Variants in MTAP observed in about 807,000 individuals in gnomAD.
MTAP encodes the protein methylthioadenosine phosphorylase, also known as S-methyl-5'-thioadenosine phosphorylase.
A neutral mutation model predicts 33.6 loss-of-function variants in MTAP; 33 were observed. The observed-to-expected ratio is 0.98, with a 90% confidence interval of 0.74 to 1.31. The LOEUF (loss-of-function observed/expected upper bound fraction) is 1.31, where lower values mean the gene tolerates loss of function less well. Among genes scored for constraint, MTAP ranks in the 40% most tolerant of loss-of-function variants. The pLI is 0.00. For missense variants in MTAP, 367 were observed against 360.0 expected (o/e 1.02, Z -0.16); for synonymous variants, 148 against 125.7 (o/e 1.18, Z -1.19).
At chr9:21,897,486 T>C (rs942550930) in intron 1 of MTAP, among the ~76,000 whole-genome samples, 1 of 152,142 alleles carries the variant, frequency 6.6e-6, no homozygotes, top group African/African-American at 2.4e-5. Flanking sequence ...AAAACCCCAT[T>C]GTCTCAGCCC....
chr9:21,913,695 T>G (rs1486216252), intron 1 of MTAP, among the ~76,000 whole-genome samples: 1 of 152,176 alleles, frequency 6.6e-6, no homozygotes, highest in Non-Finnish European at 1.5e-5. Context: ...ACCTAGGCAA[T>G]ACAATTCAGG....
rs543440374 is a variant in MTAP at position 21,827,207 on chromosome 9, G to A, written c.347+9005G>A. Among the ~76,000 whole-genome samples the A allele has an allele frequency of 6.0e-4, 92 of 152,284 alleles. 2 individuals carry two copies. The South Asian group carries it at 6.2e-3, about 10-fold the overall frequency. Reference sequence around the variant, plus strand: ...TGGGCTGGATGGAGAGTGGAGAGTAGCGCAGAGTTAAATCATTTGGGGATC... The same window carrying A: ...TGGGCTGGATGGAGAGTGGAGAGTAACGCAGAGTTAAATCATTTGGGGATC... On this transcript the variant is annotated intron_variant, in intron 4 of 7. Coordinates refer to ENST00000644715, the MANE Select transcript of MTAP (RefSeq NM_002451.4).
At chr9:21,814,017 G>A (rs1022445471) in intron 1 of MTAP, 2 of 152,318 alleles carry the variant, frequency 1.3e-5, no homozygotes, top group East Asian at 3.9e-4. Context: ...ATGTTAACCT[G>A]CTGTGGTTTT....
rs558115768 is a variant in MTAP, at chr9:21,878,568, C to T, written c.147+23698C>T. Reference sequence around the variant, plus strand: ...GTAGAGGCAGGGATTCACCATGTTTCCCAGGCTTATCTCCAACTCCTGGGC... The same window carrying T: ...GTAGAGGCAGGGATTCACCATGTTTTCCAGGCTTATCTCCAACTCCTGGGC... On this transcript the variant is annotated intron_variant, in intron 1 of 1. Transcript: ENST00000577563. Among the ~76,000 whole-genome samples, 3 of 152,134 alleles carry T rather than the reference C, an allele frequency of 2.0e-5. No homozygotes were observed. In the South Asian group the frequency reaches 6.2e-4, roughly 32 times the overall value.
intron 1 of MTAP, among the ~76,000 whole-genome samples, chr9:21,915,000 T>TTTCTTTCCTTCC (rs1818653525): frequency 3.5e-4 from 29 of 83,752 alleles, no homozygotes; most frequent in African/African-American, 1.6e-3. Context: ...CTTTGTTTTC[T>TTTCTTTCCTTCC]TTCCTTCCTT....
At position 21,863,547 on chromosome 9, in the gene MTAP, C is replaced by T; in HGVS notation, c.*1533C>T. ...GTGTGAACCTGGGAGGTGGAGCTTG[C>T]AGTGAGCAGAGCTTGCAGTGAGACG... is the stretch of plus-strand genomic sequence containing the variant. On this transcript the variant is annotated 3_prime_UTR_variant, in exon 8 of 8. Transcript: ENST00000644715. 1.4e-6 allele frequency: 1 copy of T among 722,782 alleles called. No individual in the cohort carries two copies. The highest frequency in any genetic ancestry group is 1.7e-6 in the Non-Finnish European group (1 of 590,468). The allele number at this position is 722,782 out of a possible 1,614,324, so 44.8% of individuals were successfully genotyped here.
intron 4 of MTAP, among the ~76,000 whole-genome samples, chr9:21,833,664 A>T (rs1370214283): frequency 6.6e-6 from 1 of 152,168 alleles, no homozygotes; most frequent in Non-Finnish European, 1.5e-5. Context: ...CAGTAAATTA[A>T]TTGACTCACG....
chr9:21,924,491 A>C (rs1818835900), intron 1 of MTAP, among the ~76,000 whole-genome samples: 1 of 152,228 alleles, frequency 6.6e-6, no homozygotes, highest in Non-Finnish European at 1.5e-5. Flanking sequence ...CTAGCAGGGA[A>C]AATAGACAGA....
chr9:21,930,114 A>G (rs942627359), intron 1 of MTAP: 2 of 465,162 alleles, frequency 4.3e-6, no homozygotes, highest in Non-Finnish European at 4.3e-6. Context: ...CAAATTGCCA[A>G]CCTCAGCTCC....
chr9:21,816,050 T>C (rs945768343), intron 2 of MTAP, among the ~76,000 whole-genome samples: 1 of 152,368 alleles, frequency 6.6e-6, no homozygotes. Flanking sequence ...CAAGCCCATG[T>C]CACTCAGCCT....
Position 21,802,688 on chromosome 9 carries a change from G to A in MTAP, c.-61G>A. On this transcript the variant is annotated 5_prime_UTR_variant, in exon 1 of 8. Transcript: ENST00000644715. ...AGGTTGGCACAGCCACCGCTCTGTG[G>A]CTCGCTTGGTTCCCTTAGTCCCGAG... 1 of 1,575,898 alleles carries A rather than the reference G, an allele frequency of 6.3e-7. No homozygotes were observed. The highest frequency in any genetic ancestry group is 8.6e-7 in the Non-Finnish European group (1 of 1,161,038).
intron 1 of MTAP, among the ~76,000 whole-genome samples, chr9:21,813,264 C>G (rs1052478949): frequency 1.9e-4 from 29 of 152,180 alleles, no homozygotes; most frequent in Non-Finnish European, 1.0e-4. Context: ...CCCTGTATCC[C>G]TCGCACAATG....
Position 21,834,165 on chromosome 9 carries a change from C to A in MTAP, c.348-3743C>A, listed in dbSNP as rs147833050. Among the ~76,000 whole-genome samples, 26 of 152,296 alleles carry A rather than the reference C, an allele frequency of 1.7e-4. No homozygotes were observed. In the South Asian group the frequency reaches 2.3e-3, roughly 13 times the overall value. On this transcript the variant is annotated intron_variant, in intron 4 of 7. Coordinates refer to ENST00000644715, the MANE Select transcript of MTAP (RefSeq NM_002451.4). ...TTTCCATAAATGATAGTGACAAGTGCCAAGCACTTGCTTCATGTTGTCTCA... is the reference window on the plus strand; with the variant it reads ...TTTCCATAAATGATAGTGACAAGTGACAAGCACTTGCTTCATGTTGTCTCA...
chr9:21,926,536 A>G (rs1818872155), intron 1 of MTAP, among the ~76,000 whole-genome samples: 2 of 152,074 alleles, frequency 1.3e-5, no homozygotes. Flanking sequence ...CATCCTCCCA[A>G]TTTGTATTTG....
intron 1 of MTAP, 62 bp downstream of exon 1, chr9:21,802,843 C>T (rs768192914): frequency 6.3e-7 from 1 of 1,598,496 alleles, no homozygotes; most frequent in African/African-American, 1.4e-5. Context: ...GCCCCCGCGC[C>T]GGGGGACCGC....
At chr9:21,906,182 C>T (rs1178569055) in intron 1 of MTAP, among the ~76,000 whole-genome samples, 1 of 152,078 alleles carries the variant, frequency 6.6e-6, no homozygotes, top group Non-Finnish European at 1.5e-5. Flanking sequence ...CAATCTTCCA[C>T]GCACAAATGT....
rs1411184788 is a variant in MTAP, at chr9:21,922,277, G to A, written c.148-8731G>A. On this transcript the variant is annotated intron_variant, in intron 1 of 1. Coordinates refer to the MTAP transcript ENST00000577563. This position sits in a 1 kb window ranked among gnomAD's most constrained non-coding sequence, Gnocchi z 4.8. ...CGCTCACAAGTGCTGGCAGGCCACT[G>A]TGCATGTGGATGGCCCACCCCAAGG... Among the ~76,000 whole-genome samples, 1 of 151,930 alleles carries A rather than the reference G, an allele frequency of 6.6e-6. No individual in the cohort carries two copies. Among genetic ancestry groups the A allele is most frequent in the Non-Finnish European group, 1.5e-5 (1 of 67,992 alleles).
At chr9:21,817,900 G>A in intron 3 of MTAP, 135 bp from the exon 4 acceptor site, 1 of 783,456 alleles carries the variant, frequency 1.3e-6, no homozygotes, top group Non-Finnish European at 1.9e-6. Context: ...TTGCTCACTG[G>A]ACTGGGTTCT....
intron 1 of MTAP, among the ~76,000 whole-genome samples, chr9:21,925,840 C>G (rs1282048378): frequency 2.0e-5 from 3 of 152,286 alleles, no homozygotes; most frequent in African/African-American, 7.2e-5. Context: ...TATAAGTTTT[C>G]TTTGGGAAAT....
Sources: allele counts gnomAD v4.1 joint callset (sites outside exome capture counted in the v4.1 genomes callset), GRCh38; gene constraint gnomAD v4.1.1; non-coding constraint Gnocchi (gnomAD v3.1); transcripts MANE v1.5; gene names NCBI Gene and HGNC (gene_info 2026-07-23, HGNC 2026-07-21).